C1GALT1: variants seen among roughly 807,000 people sequenced by gnomAD.
C1GALT1 encodes the protein glycoprotein-N-acetylgalactosamine 3-beta-galactosyltransferase 1.
C1GALT1 carries 11 observed loss-of-function variants against 31.0 expected under a neutral mutation model. The observed-to-expected ratio is 0.36, with a 90% CI of 0.22 to 0.59. The LOEUF (loss-of-function observed/expected upper bound fraction) is 0.59. C1GALT1 is among the 20% of genes least tolerant of loss of function. C1GALT1 has a pLI of 0.79. For synonymous variants in C1GALT1, 175 were observed against 143.6 expected (o/e 1.22, Z -1.56); for missense variants, 424 against 425.2 (o/e 1.00, Z 0.03).
At chr7:7,196,363 T>A (rs1203507945) in intron 1 of C1GALT1, among the ~76,000 whole-genome samples, 5 of 152,170 alleles carry the variant, frequency 3.3e-5, no homozygotes, top group African/African-American at 1.2e-4. Flanking sequence ...GGTTTCCAGC[T>A]TCTTCCATGT....
At chr7:7,158,722 CAT>C (rs1780301117) in intron 2 of C1GALT1, among the ~76,000 whole-genome samples, 1 of 151,766 alleles carries the variant, frequency 6.6e-6, no homozygotes, top group African/African-American at 2.4e-5. Context: ...ATGTAGGACT[CAT>C]ATACGCATAT....
At chr7:7,178,261 GA>G, upstream of C1GALT1, 1 of 232,544 alleles carries the variant, frequency 4.3e-6, no homozygotes, top group Non-Finnish European at 9.6e-6. Context: ...GGCGAGCCAT[GA>G]AAATGTTGCA....
intron 2 of C1GALT1, among the ~76,000 whole-genome samples, chr7:7,168,469 T>C (rs531288308): frequency 5.3e-5 from 8 of 152,312 alleles, no homozygotes; most frequent in African/African-American, 1.7e-4. Flanking sequence ...AGAGAACTAA[T>C]TGGAAAAGTA....
In C1GALT1 at chr7:7,197,338, G is replaced by A. The variant is rs538751597; in HGVS notation, c.-18+14518G>A. Among the ~76,000 whole-genome samples, 23 of 152,300 alleles carry A rather than the reference G, an allele frequency of 1.5e-4. No homozygotes were observed. The South Asian group carries it at 4.8e-3, about 32-fold the overall frequency. Reference sequence around the variant, plus strand: ...GCTTGTTTTTGTCGGGTTTGTCAAAGATCAGAAGGTTGTACATGTGTGGTT... The same window carrying A: ...GCTTGTTTTTGTCGGGTTTGTCAAAAATCAGAAGGTTGTACATGTGTGGTT... On this transcript the variant is annotated intron_variant, in intron 1 of 3. Coordinates refer to ENST00000436587, the MANE Select transcript of C1GALT1 (RefSeq NM_020156.5).
intron 1 of C1GALT1, among the ~76,000 whole-genome samples, chr7:7,191,244 TC>T (rs1179877550): frequency 6.6e-6 from 1 of 152,178 alleles, no homozygotes; most frequent in African/African-American, 2.4e-5. Context: ...GCATTATTTG[TC>T]CTTTTGTGAT....
At chr7:7,242,964 C>T (rs911693993) in intron 3 of C1GALT1, among the ~76,000 whole-genome samples, 4 of 152,048 alleles carry the variant, frequency 2.6e-5, no homozygotes, top group Admixed American at 6.6e-5. Flanking sequence ...TACTCAAGGT[C>T]GTATACTAGC....
intron 1 of C1GALT1, among the ~76,000 whole-genome samples, chr7:7,196,288 C>T (rs1781284626): frequency 6.7e-6 from 1 of 149,944 alleles, no homozygotes; most frequent in South Asian, 2.1e-4. Flanking sequence ...TGTTTAATTC[C>T]CACCTATGAG....
chr7:7,201,273 C>T (rs1781519683), intron 1 of C1GALT1, among the ~76,000 whole-genome samples: 1 of 152,332 alleles, frequency 6.6e-6, no homozygotes. Context: ...AGGTCCACTC[C>T]AGACCGTGTT....
chr7:7,186,440 G>A (rs1439116650), intron 1 of C1GALT1, among the ~76,000 whole-genome samples: 2 of 152,180 alleles, frequency 1.3e-5, no homozygotes, highest in South Asian at 2.1e-4. Flanking sequence ...TGGATCTGCA[G>A]CATCATCATC....
chr7:7,182,922 A>G, intron 1 of C1GALT1, 102 bp downstream of exon 1: 1 of 879,380 alleles, frequency 1.1e-6, no homozygotes, highest in Non-Finnish European at 1.4e-6. Flanking sequence ...GGATGGAACC[A>G]AACCCCGGGC....
intron 1 of C1GALT1, among the ~76,000 whole-genome samples, chr7:7,200,594 C>G (rs1339286355): frequency 6.6e-6 from 1 of 152,168 alleles, no homozygotes; most frequent in Non-Finnish European, 1.5e-5. Context: ...AGAGTGTTTT[C>G]CAGCTTGGTT....
At chr7:7,172,018 T>C (rs74854041) in intron 2 of C1GALT1, among the ~76,000 whole-genome samples, 3,341 of 152,300 alleles carry the variant, frequency 0.022, 119 homozygotes, top group African/African-American at 0.076. Context: ...AAATAGTACT[T>C]GTTCTTATAT....
chr7:7,158,950 C>A (rs1025079020), intron 2 of C1GALT1, among the ~76,000 whole-genome samples: 5 of 152,102 alleles, frequency 3.3e-5, no homozygotes, highest in Non-Finnish European at 7.4e-5. Flanking sequence ...ATTGAGACAA[C>A]GAGCAGGGTT....
chr7:7,168,678 A>T (rs1233833682), intron 2 of C1GALT1, among the ~76,000 whole-genome samples: 1 of 152,226 alleles, frequency 6.6e-6, no homozygotes, highest in Non-Finnish European at 1.5e-5. Flanking sequence ...ATGAACTAAA[A>T]TGTGGTATTT....
At chr7:7,210,415 CTTTTTTTTTTTT>C (rs562711064) in intron 1 of C1GALT1, 14 of 85,162 alleles carry the variant, frequency 1.6e-4, no homozygotes, top group African/African-American at 6.4e-4. Flanking sequence ...TGGGCAGATT[CTTTTTTTTTTTT>C]TTTTTTTTTG....
chr7:7,215,646 TG>T (rs1389999291), intron 1 of C1GALT1, among the ~76,000 whole-genome samples: 1 of 152,174 alleles, frequency 6.6e-6, no homozygotes, highest in African/African-American at 2.4e-5. Flanking sequence ...CTCTTCCTAT[TG>T]GGAATAGTGT....
intron 1 of C1GALT1, among the ~76,000 whole-genome samples, chr7:7,228,947 G>T (rs1295339539): frequency 3.3e-5 from 5 of 151,844 alleles, no homozygotes; most frequent in Non-Finnish European, 5.9e-5. Context: ...ATAGAAGTAG[G>T]CTTGTTCTGA....
rs1339691310 is a variant in C1GALT1, at chr7:7,247,534, G to A, written c.*3807G>A. 6.6e-6 allele frequency: 1 copy of A among 151,956 alleles called. No homozygotes were observed. Among genetic ancestry groups the A allele is most frequent in the African/African-American group, 2.4e-5 (1 of 41,384 alleles). The allele number at this position is 151,956 out of a possible 1,614,324, so 9.4% of individuals were successfully genotyped here. On this transcript the variant is annotated 3_prime_UTR_variant, in exon 4 of 4. Transcript: ENST00000436587. ...ATTTGAGCAGTAAATTTGCTAACTG[G>A]TTATTTTCACAATTTTCTTGAATAT...
intron 1 of C1GALT1, among the ~76,000 whole-genome samples, chr7:7,188,062 A>G (rs1780900214): frequency 1.3e-5 from 2 of 152,132 alleles, no homozygotes; most frequent in Admixed American, 1.3e-4. Context: ...TAGATATTGT[A>G]ATAGCCTGTG....
Sources: gnomAD v4.1 joint callset for allele counts (sites outside exome capture counted in the v4.1 genomes callset) on GRCh38, gnomAD v4.1.1 for gene constraint, MANE v1.5 for transcripts, NCBI Gene and HGNC (gene_info 2026-07-23, HGNC 2026-07-21) for gene names.